Variants in SP140 observed in about 807,000 individuals in gnomAD.
SP140 encodes nuclear body protein SP140.
A neutral mutation model predicts 125.0 loss-of-function variants in SP140; 81 were observed. That is an observed-to-expected ratio of 0.65 (90% CI 0.54 to 0.78). The LOEUF is 0.78. SP140 is among the 30% of genes least tolerant of loss of function. SP140 has a pLI of 0.00. For synonymous variants in SP140, 312 were observed against 354.0 expected, an observed-to-expected ratio of 0.88 and a Z score of 1.33; for missense variants, 858 against 1,037.0, an observed-to-expected ratio of 0.83 and a Z score of 2.37.
At chr2:230,218,024 T>G (rs2045417026) in intron 3 of SP140, among the ~76,000 whole-genome samples, 1 of 152,242 alleles carries the variant, frequency 6.6e-6, no homozygotes, top group Non-Finnish European at 1.5e-5. Context: ...CCTTTTCCCA[T>G]GCCCATGCAG....
At chr2:230,248,481 T>A (rs182280103) in intron 8 of SP140, among the ~76,000 whole-genome samples, 9 of 151,632 alleles carry the variant, frequency 5.9e-5, no homozygotes, top group Admixed American at 4.6e-4. Flanking sequence ...AAAAAAATGC[T>A]AATGGGAGGG....
chr2:230,239,733 G>A (rs2048456469), intron 3 of SP140, among the ~76,000 whole-genome samples: 1 of 152,222 alleles, frequency 6.6e-6, no homozygotes, highest in East Asian at 1.9e-4. Flanking sequence ...ACAGACATGA[G>A]CCACCATGCC....
chr2:230,201,337 G>T (rs1261926736), upstream of SP140, among the ~76,000 whole-genome samples: 1 of 152,132 alleles, frequency 6.6e-6, no homozygotes, highest in Non-Finnish European at 1.5e-5. Context: ...GATGTTATTT[G>T]CCTTTTTCAC....
At chr2:230,197,011 A>G in the SP140 span, among the ~76,000 whole-genome samples, 23 of 152,158 alleles carry the variant, frequency 1.5e-4, no homozygotes, top group African/African-American at 5.6e-4. Context: ...ATACGTGTGC[A>G]TGTGTCTTTA....
At chr2:230,275,235 T>C (rs993321880) in intron 15 of SP140, among the ~76,000 whole-genome samples, 2 of 152,168 alleles carry the variant, frequency 1.3e-5, no homozygotes, top group Non-Finnish European at 2.9e-5. Flanking sequence ...TCTCGTTTGA[T>C]TGCACTTCAC....
intron 1 of SP140, among the ~76,000 whole-genome samples, chr2:230,236,480 G>A (rs926543994): frequency 8.5e-5 from 13 of 152,192 alleles, no homozygotes; most frequent in African/African-American, 3.1e-4. Context: ...CAATTATGAA[G>A]GCTGGCAAGT....
intron 19 of SP140, 120 bp from the exon 20 acceptor site, chr2:230,292,526 A>G (rs1457746635): frequency 1.5e-6 from 2 of 1,328,356 alleles, no homozygotes; most frequent in Admixed American, 1.9e-5. Flanking sequence ...GGAAGGCCAG[A>G]CTCTCCTGCT....
intron 10 of SP140, among the ~76,000 whole-genome samples, chr2:230,252,934 C>A (rs1443649814): frequency 6.6e-6 from 1 of 151,766 alleles, no homozygotes; most frequent in African/African-American, 2.4e-5. Context: ...AAAAATGCTA[C>A]CGGGAGGGAA....
At chr2:230,270,240 G>T (rs2053739110) in intron 14 of SP140, among the ~76,000 whole-genome samples, 1 of 152,092 alleles carries the variant, frequency 6.6e-6, no homozygotes. Context: ...CTTCCATGAA[G>T]CCCAGGATAC....
At chr2:230,233,392 A>G (rs1305131103) in intron 1 of SP140, among the ~76,000 whole-genome samples, 1 of 152,180 alleles carries the variant, frequency 6.6e-6, no homozygotes, top group African/African-American at 2.4e-5. Flanking sequence ...GTCTCAAAAC[A>G]AAACAAAAAA....
In SP140 at chr2:230,203,297, T is replaced by C. The variant is rs140796259; in HGVS notation, c.-323+18T>C. 138 of 159,732 alleles carry C rather than the reference T, an allele frequency of 8.6e-4. 4 individuals are homozygous for C. In the South Asian group the frequency reaches 0.023, roughly 26 times the overall value. The allele number at this position is 159,732 out of a possible 1,614,324, so 9.9% of individuals were successfully genotyped here. On this transcript the variant is annotated intron_variant, in intron 1 of 4. Coordinates refer to the SP140 transcript ENST00000456542. ...GTGCAGAGGTGAGTTTGCTTCATTGTGGAAAAAGAACACAATTTTCACCGG... is the reference window on the plus strand; with the variant it reads ...GTGCAGAGGTGAGTTTGCTTCATTGCGGAAAAAGAACACAATTTTCACCGG...
chr2:230,282,348 G>A (rs2055696294), intron 15 of SP140, among the ~76,000 whole-genome samples: 1 of 152,114 alleles, frequency 6.6e-6, no homozygotes, highest in Non-Finnish European at 1.5e-5. Context: ...GTGATACTCT[G>A]AGGCACGTAG....
chr2:230,270,677 CA>C (rs1559302235), intron 15 of SP140, 38 bp downstream of exon 15: 1 of 1,532,248 alleles, frequency 6.5e-7, no homozygotes, highest in Non-Finnish European at 9.0e-7. Context: ...TTTGGTATTA[CA>C]AATACGTTTT....
chr2:230,232,941 A>G (rs1231527894), intron 1 of SP140, among the ~76,000 whole-genome samples: 1 of 152,188 alleles, frequency 6.6e-6, no homozygotes, highest in Non-Finnish European at 1.5e-5. Context: ...TTGCTTAATG[A>G]AACTTATCCA....
the SP140 span, among the ~76,000 whole-genome samples, chr2:230,193,108 C>G: frequency 6.6e-6 from 1 of 152,014 alleles, no homozygotes; most frequent in Middle Eastern, 3.2e-3. Flanking sequence ...ATATAATGAC[C>G]TTCTTTGCCT....
chr2:230,244,879 G>A, intron 5 of SP140, 109 bp from the exon 6 acceptor site: 5 of 728,858 alleles, frequency 6.9e-6, no homozygotes, highest in South Asian at 3.5e-5. Context: ...GGTCCTTGGA[G>A]CAATAGTGTT....
chr2:230,268,107 T>C (rs554791687), intron 12 of SP140, among the ~76,000 whole-genome samples: 1 of 152,334 alleles, frequency 6.6e-6, no homozygotes, highest in South Asian at 2.1e-4. Context: ...TTTGTTTTTT[T>C]GGTGGGGTTT....
chr2:230,190,798 A>G, the SP140 span, among the ~76,000 whole-genome samples: 6 of 152,212 alleles, frequency 3.9e-5, no homozygotes, highest in Admixed American at 3.9e-4. Flanking sequence ...TCCTGGCACC[A>G]TTTATTAAAT....
At chr2:230,273,960 G>C (rs2054325482) in intron 15 of SP140, among the ~76,000 whole-genome samples, 1 of 152,136 alleles carries the variant, frequency 6.6e-6, no homozygotes, top group African/African-American at 2.4e-5. Flanking sequence ...GGTTCAGAAG[G>C]TGAAGGGTTG....
Sources: gnomAD v4.1 joint callset for allele counts (sites outside exome capture counted in the v4.1 genomes callset) on GRCh38, gnomAD v4.1.1 for gene constraint, MANE v1.5 for transcripts, NCBI Gene and HGNC (gene_info 2026-07-23, HGNC 2026-07-21) for gene names.